The following TMEM165 variants were observed in gnomAD, a reference collection of about 807,000 sequenced individuals.
TMEM165 encodes transmembrane protein 165.
In TMEM165, 19 loss-of-function variants were observed where a neutral mutation model predicts 30.0. That is an observed-to-expected ratio of 0.63 (90% CI 0.44 to 0.93). The LOEUF (loss-of-function observed/expected upper bound fraction) is 0.93. Among genes scored for constraint, TMEM165 ranks in the 40% least tolerant of loss-of-function variants. The pLI, the probability that TMEM165 is intolerant of heterozygous loss-of-function variation, is 0.00. For missense variants in TMEM165, 340 were observed against 417.0 expected, an observed-to-expected ratio of 0.82 and a Z score of 1.61; for synonymous variants, 168 against 162.9, an observed-to-expected ratio of 1.03 and a Z score of -0.24.
chr4:55,411,272 C>T (rs868851756), intron 1 of TMEM165, among the ~76,000 whole-genome samples: 4 of 152,110 alleles, frequency 2.6e-5, no homozygotes, highest in South Asian at 2.1e-4. Flanking sequence ...CACAGTGCTC[C>T]AAAATCTGAA....
intron 1 of TMEM165, among the ~76,000 whole-genome samples, chr4:55,404,007 G>A (rs994587401): frequency 2.7e-5 from 4 of 146,402 alleles, no homozygotes; most frequent in Non-Finnish European, 3.0e-5. Context: ...TATTAGTTTC[G>A]TTTTCTTTCC....
chr4:55,438,638 A>T, intron 3 of TMEM165: 1 of 1,557,604 alleles, frequency 6.4e-7, no homozygotes, highest in African/African-American at 1.4e-5. Flanking sequence ...ACCCAATGAC[A>T]TTGCCAGTTT....
intron 4 of TMEM165, among the ~76,000 whole-genome samples, chr4:55,418,712 C>T (rs1721842121): frequency 6.6e-6 from 1 of 152,086 alleles, no homozygotes; most frequent in Admixed American, 6.6e-5. Context: ...AACATCATTT[C>T]AGTGACATGG....
intron 3 of TMEM165, chr4:55,433,080 A>C (rs1722627961): frequency 6.6e-6 from 1 of 152,582 alleles, no homozygotes; most frequent in African/African-American, 2.4e-5. Context: ...CAATAAATAA[A>C]TGAGGCACAA....
At chr4:55,437,988 G>C (rs539367397) in intron 3 of TMEM165, among the ~76,000 whole-genome samples, 1 of 152,292 alleles carries the variant, frequency 6.6e-6, no homozygotes, top group Admixed American at 6.5e-5. Context: ...TTAAGTTCCA[G>C]AAACTCTAGC....
intron 3 of TMEM165, among the ~76,000 whole-genome samples, chr4:55,439,148 G>C (rs1723142268): frequency 6.6e-6 from 1 of 152,070 alleles, no homozygotes; most frequent in Admixed American, 6.5e-5. Context: ...GAATGTCTAA[G>C]AGCTCCTTCA....
At chr4:55,435,730 GT>G in intron 3 of TMEM165, 2 of 895,030 alleles carry the variant, frequency 2.2e-6, no homozygotes, top group Non-Finnish European at 3.6e-6. Context: ...TCACTCTCTG[GT>G]TTAAAAATTC....
At chr4:55,419,614 T>C (rs923463276) in intron 4 of TMEM165, among the ~76,000 whole-genome samples, 1 of 152,232 alleles carries the variant, frequency 6.6e-6, no homozygotes. Flanking sequence ...TAAGATTTCA[T>C]GTGGAGACGG....
chr4:55,451,449 C>A (rs936901226), intron 3 of TMEM165, among the ~76,000 whole-genome samples: 1 of 152,124 alleles, frequency 6.6e-6, no homozygotes, highest in African/African-American at 2.4e-5. Context: ...TGGAGTGCTC[C>A]AAGACACACC....
chr4:55,444,999 A>G (rs1723686179), intron 3 of TMEM165, among the ~76,000 whole-genome samples: 1 of 152,136 alleles, frequency 6.6e-6, no homozygotes, highest in South Asian at 2.1e-4. Context: ...AGCAGGCACA[A>G]AGTTATCCAC....
chr4:55,404,045 CTTT>C (rs201972116), intron 1 of TMEM165, among the ~76,000 whole-genome samples: 75,080 of 121,258 alleles, frequency 0.62, 23,056 homozygotes, highest in East Asian at 0.94. Flanking sequence ...TCTTTCTTTC[CTTT>C]TTTTTTTTTT....
At position 55,396,337 on chromosome 4, in the gene TMEM165, G is replaced by A. The variant is rs1245333983; in HGVS notation, c.148G>A (p.Ala50Thr). 2 of 1,516,034 alleles carry A rather than the reference G, an allele frequency of 1.3e-6. No individual in the cohort carries two copies. Among genetic ancestry groups the A allele is most frequent in the Non-Finnish European group, 1.8e-6 (2 of 1,137,094 alleles). The allele number at this position is 1,516,034 out of a possible 1,614,324, so 93.9% of individuals were successfully genotyped here. Residue 50 changes from alanine (A) to threonine (T), a missense_variant, in exon 1 of 6, where the codon GCC becomes ACC. Physicochemically the swap from Ala to Thr is moderately conservative, Grantham distance 58. Around this residue, in one of 2 missense-constraint regions of TMEM165, gnomAD observed 120 missense variants for 109.4 expected, o/e 1.10. Transcript: ENST00000381334. Reference sequence around the variant, plus strand: ...CCGGAACAAAGAACCGCCGGCGCCGGCCCAGCAGCTGCAGCCGCAGCCTGT... The same window carrying A: ...CCGGAACAAAGAACCGCCGGCGCCGACCCAGCAGCTGCAGCCGCAGCCTGT... The part of the protein sequence containing the change: ...SHRNKEPPAP[A>T]QQLQPQPVAV...
At chr4:55,408,400 C>A (rs1366231738) in intron 1 of TMEM165, among the ~76,000 whole-genome samples, 1 of 152,122 alleles carries the variant, frequency 6.6e-6, no homozygotes. Context: ...AGATGTATAA[C>A]CTGCTATACA....
chr4:55,442,471 C>G (rs1216268871), intron 3 of TMEM165: 2 of 1,606,418 alleles, frequency 1.2e-6, no homozygotes, highest in South Asian at 1.1e-5. Flanking sequence ...TACTGCAGCA[C>G]TCTGGGTGCT....
At chr4:55,427,053 T>TTTG (rs10654590), downstream of TMEM165, among the ~76,000 whole-genome samples, 1 of 143,920 alleles carries the variant, frequency 6.9e-6, no homozygotes, top group Non-Finnish European at 1.5e-5. Context: ...TTTTTTTTTT[T>TTTG]GAGAGAGTCT....
rs1280804613 is a variant in TMEM165, at chr4:55,411,613, G to C, written c.208-1G>C. ...AGAAGTAACTGATTTTTTTTTTCCAGAAAATATTTACACCAGCAGCTCCAG... is the reference window on the plus strand; with the variant it reads ...AGAAGTAACTGATTTTTTTTTTCCACAAAATATTTACACCAGCAGCTCCAG... On this transcript the variant is annotated splice_acceptor_variant, in intron 1 of 5. Coordinates refer to ENST00000381334, the MANE Select transcript of TMEM165 (RefSeq NM_018475.5). LOFTEE classifies it high-confidence loss of function. 9.4e-6 allele frequency: 15 copies of C among 1,593,376 alleles called. No homozygotes were observed. The highest frequency in any genetic ancestry group is 2.7e-5 in the African/African-American group (2 of 73,094).
chr4:55,442,684 T>C (rs748162992), intron 3 of TMEM165: 1 of 1,454,236 alleles, frequency 6.9e-7, no homozygotes, highest in East Asian at 2.4e-5. Context: ...AAATAATTAT[T>C]TGGGAAGTAT....
At chr4:55,412,987 AT>A (rs962814869) in intron 2 of TMEM165, among the ~76,000 whole-genome samples, 3 of 150,690 alleles carry the variant, frequency 2.0e-5, no homozygotes, top group African/African-American at 2.4e-5. Flanking sequence ...TTATTTATTT[AT>A]TTTTTTTTAG....
chr4:55,424,644 G>A lies in TMEM165; in HGVS notation c.898+1G>A. On this transcript the variant is annotated splice_donor_variant, in intron 5 of 5. Transcript: ENST00000381334. LOFTEE classifies it high-confidence loss of function. ...GCACAGAAAATCTCTGTCAGAACTG[G>A]TAAGTCTTGAAAATTACAAATCAGA... 3 of 1,575,538 alleles carry A rather than the reference G, an allele frequency of 1.9e-6. No individual in the cohort carries two copies. The highest frequency in any genetic ancestry group is 2.6e-6 in the Non-Finnish European group (3 of 1,144,760).
Sources: gnomAD v4.1 joint callset for allele counts (sites outside exome capture counted in the v4.1 genomes callset) on GRCh38, gnomAD v4.1.1 for gene constraint, gnomAD v4.1.1 regional missense constraint, MANE v1.5 for transcripts, NCBI Gene and HGNC (gene_info 2026-07-23, HGNC 2026-07-21) for gene names.